ELOVL6: variants seen among roughly 807,000 people sequenced by gnomAD.
The protein encoded by ELOVL6 is very long chain fatty acid elongase 6.
ELOVL6 carries 8 observed loss-of-function variants against 31.7 expected under a neutral mutation model. That is an observed-to-expected ratio of 0.25 (90% CI 0.15 to 0.45). ELOVL6 has a LOEUF of 0.45. Among genes scored for constraint, ELOVL6 ranks in the 20% least tolerant of loss-of-function variants. The pLI, the probability that ELOVL6 is intolerant of heterozygous loss-of-function variation, is 1.00. For missense variants in ELOVL6, 126 were observed against 326.4 expected, an observed-to-expected ratio of 0.39 and a Z score of 4.73; for synonymous variants, 101 against 117.7, an observed-to-expected ratio of 0.86 and a Z score of 0.92.
Position 110,184,433 on chromosome 4 carries a change from A to C in ELOVL6, c.89+13814T>G, listed in dbSNP as rs1578287021. On this transcript the variant is annotated intron_variant, in intron 1 of 3. Transcript: ENST00000302274. ...ATGGGTGGAGAGAAGAAGGCTTTGG[A>C]ATTCAAATTTCAACTAAGTAGGCAC... 4.6e-5 allele frequency among the ~76,000 whole-genome samples: 7 copies of C among 152,338 alleles called. 2 individuals are homozygous for C. The South Asian group carries it at 1.5e-3, about 32-fold the overall frequency.
At chr4:110,134,171 A>G (rs1757745265) in intron 1 of ELOVL6, among the ~76,000 whole-genome samples, 2 of 152,226 alleles carry the variant, frequency 1.3e-5, no homozygotes, top group Admixed American at 6.5e-5. Context: ...AGGAATGACA[A>G]GGCTTCATTA....
At position 110,198,437 on chromosome 4, in the gene ELOVL6, C is replaced by T. The variant is rs1392789947; in HGVS notation, c.-102G>A. The T allele has an allele frequency of 5.6e-6, 4 of 712,186 alleles. No homozygotes were observed. In the East Asian group the frequency reaches 7.7e-5, roughly 14 times the overall value. 44.1% of individuals were successfully genotyped at this position (712,186 alleles called of 1,614,324 possible). A position where few individuals can be genotyped will look rare whatever the true frequency, so the allele number is the denominator to read the frequency against. On this transcript the variant is annotated 5_prime_UTR_variant, in exon 1 of 4. Transcript: ENST00000302274. ...TCTCCTGTCTGCTTCCCCCACCCAC[C>T]CCCCTAGGTCTTCCCCACGCCGCTC... is the stretch of plus-strand genomic sequence containing the variant.
At position 110,050,394 on chromosome 4, in the gene ELOVL6, G is replaced by GC. The variant is rs1305349829; in HGVS notation, c.*943dup. 1 of 152,422 alleles carries GC rather than the reference G, an allele frequency of 6.6e-6. No homozygotes were observed. The highest frequency in any genetic ancestry group is 1.5e-5 in the Non-Finnish European group (1 of 68,044). 9.4% of individuals were successfully genotyped at this position (152,422 alleles called of 1,614,324 possible). A position where few individuals can be genotyped will look rare whatever the true frequency, so the allele number is the denominator to read the frequency against. On this transcript the variant is annotated 3_prime_UTR_variant, in exon 4 of 4. Transcript: ENST00000302274. ...TCCCACTGCCTTTCTCCCTTTTCCA[G>GC]CTCACAGTGGTCCTGGGCCGGGCCT...
intron 1 of ELOVL6, among the ~76,000 whole-genome samples, chr4:110,175,396 T>A (rs1759073147): frequency 6.6e-6 from 1 of 151,716 alleles, no homozygotes; most frequent in South Asian, 2.1e-4. Context: ...AAAAAAGACA[T>A]AAATATAATG....
chr4:110,065,522 G>T (rs565228255), intron 2 of ELOVL6, among the ~76,000 whole-genome samples: 20 of 152,272 alleles, frequency 1.3e-4, no homozygotes, highest in African/African-American at 4.1e-4. Context: ...TATTTGGGAG[G>T]CTGAGGTGAA....
intron 1 of ELOVL6, among the ~76,000 whole-genome samples, chr4:110,165,423 T>G (rs58124275): frequency 0.014 from 2,182 of 152,238 alleles, 48 homozygotes; most frequent in African/African-American, 0.05. Context: ...CCAACTTTAT[T>G]CCTCAAACCC....
intron 1 of ELOVL6, among the ~76,000 whole-genome samples, chr4:110,191,539 G>A (rs1423531168): frequency 6.6e-6 from 1 of 152,182 alleles, no homozygotes; most frequent in African/African-American, 2.4e-5. Flanking sequence ...GTGTCCATAT[G>A]TGAAAAATTA....
intron 1 of ELOVL6, among the ~76,000 whole-genome samples, chr4:110,168,283 G>C (rs1349507118): frequency 6.6e-6 from 1 of 152,162 alleles, no homozygotes; most frequent in Non-Finnish European, 1.5e-5. Context: ...GGGAGTCTGA[G>C]GTGGGCAGAT....
chr4:110,165,345 C>G (rs1390496791), intron 1 of ELOVL6, among the ~76,000 whole-genome samples: 1 of 152,152 alleles, frequency 6.6e-6, no homozygotes, highest in African/African-American at 2.4e-5. Context: ...TTTGTGGTTC[C>G]TTCCTGTCTA....
chr4:110,100,266 A>G (rs1756704955), intron 2 of ELOVL6, among the ~76,000 whole-genome samples: 1 of 152,228 alleles, frequency 6.6e-6, no homozygotes, highest in African/African-American at 2.4e-5. Context: ...GAAATGATCC[A>G]TTATAGGCCT....
chr4:110,107,355 G>C (rs950061036), intron 1 of ELOVL6, among the ~76,000 whole-genome samples: 1 of 152,212 alleles, frequency 6.6e-6, no homozygotes, highest in Non-Finnish European at 1.5e-5. Context: ...TTGAATGAAC[G>C]TGGTCTTGTC....
chr4:110,094,438 T>TATATATAAATATAA (rs1383825931), intron 2 of ELOVL6, among the ~76,000 whole-genome samples: 1 of 55,354 alleles, frequency 1.8e-5, no homozygotes, highest in African/African-American at 8.6e-5. Flanking sequence ...TATATATATA[T>TATATATAAATATAA]ATATAATATA....
chr4:110,058,607 G>C (rs1217355272), intron 3 of ELOVL6, among the ~76,000 whole-genome samples: 1 of 152,116 alleles, frequency 6.6e-6, no homozygotes, highest in East Asian at 1.9e-4. Flanking sequence ...TATTGCAGGT[G>C]GTTTGTAAGG....
At chr4:110,099,887 A>T (rs1280059930) in intron 2 of ELOVL6, among the ~76,000 whole-genome samples, 3 of 152,214 alleles carry the variant, frequency 2.0e-5, no homozygotes, top group Non-Finnish European at 2.9e-5. Flanking sequence ...GGCACCTTGA[A>T]GTATCTGATG....
chr4:110,180,712 T>C (rs968561473), intron 1 of ELOVL6, among the ~76,000 whole-genome samples: 6 of 152,210 alleles, frequency 3.9e-5, no homozygotes, highest in African/African-American at 1.4e-4. Flanking sequence ...ACACCTGGCC[T>C]ATACTTTGTT....
chr4:110,063,750 T>TA (rs10658072), intron 2 of ELOVL6, among the ~76,000 whole-genome samples: 48,117 of 143,898 alleles, frequency 0.33, 10,330 homozygotes, highest in African/African-American at 0.59. Context: ...GGTCATACTT[T>TA]AAAAAAAAAA....
At chr4:110,087,923 G>A (rs1756315864) in intron 2 of ELOVL6, among the ~76,000 whole-genome samples, 1 of 151,998 alleles carries the variant, frequency 6.6e-6, no homozygotes, top group African/African-American at 2.4e-5. Flanking sequence ...TTAACAATTA[G>A]AGTCAATTTG....
intron 2 of ELOVL6, among the ~76,000 whole-genome samples, chr4:110,072,248 C>T (rs1028797340): frequency 3.3e-5 from 5 of 152,134 alleles, no homozygotes; most frequent in Admixed American, 6.5e-5. Context: ...GAGGCCGAGG[C>T]GTGTGGATCA....
intron 1 of ELOVL6, among the ~76,000 whole-genome samples, chr4:110,188,469 T>C (rs940434774): frequency 1.8e-4 from 28 of 152,156 alleles, no homozygotes; most frequent in African/African-American, 6.8e-4. Context: ...CATCCAAGCC[T>C]TATTCAAGCC....
Sources: allele counts gnomAD v4.1 joint callset (sites outside exome capture counted in the v4.1 genomes callset), GRCh38; gene constraint gnomAD v4.1.1; transcripts MANE v1.5; gene names NCBI Gene and HGNC (gene_info 2026-07-23, HGNC 2026-07-21).